Variants in STRN3 observed in about 807,000 individuals in gnomAD.
STRN3 encodes the protein striatin-3.
In STRN3, 29 loss-of-function variants were observed where a neutral mutation model predicts 95.6. The observed-to-expected ratio is 0.30, with a 90% CI of 0.23 to 0.41. The LOEUF is 0.41. STRN3 is among the 10% of genes least tolerant of loss of function. The pLI is 1.00. For synonymous variants in STRN3, 331 were observed against 357.6 expected (o/e 0.93, Z 0.84); for missense variants, 890 against 972.1 (o/e 0.92, Z 1.12).
At chr14:30,938,042 C>T (rs890802691) in intron 5 of STRN3, among the ~76,000 whole-genome samples, 9 of 151,726 alleles carry the variant, frequency 5.9e-5, no homozygotes, top group Non-Finnish European at 8.8e-5. Flanking sequence ...GTAAATACTA[C>T]GTAAATAGGT....
chr14:30,978,790 T>C (rs1881240484), intron 1 of STRN3, among the ~76,000 whole-genome samples: 1 of 152,134 alleles, frequency 6.6e-6, no homozygotes, highest in South Asian at 2.1e-4. Flanking sequence ...CCCAGAACTT[T>C]GAGAGGCCAG....
In STRN3 at chr14:30,936,534, G is replaced by T; in HGVS notation, c.807C>A (p.Ile269=). Residue 269 remains isoleucine, a synonymous_variant, in exon 6 of 18, where the codon ATC becomes ATA. Transcript: ENST00000357479. ...EDEENDMIEG[I]PEGKDKHRMN... ...TCCGATGTTTGTCTTTTCCTTCTGG[G>T]ATGCCTTCGATCATGTCATTTTCCT... is the stretch of plus-strand genomic sequence containing the variant. 1 of 1,613,386 alleles carries T rather than the reference G, an allele frequency of 6.2e-7. No homozygotes were observed. The highest frequency in any genetic ancestry group is 8.5e-7 in the Non-Finnish European group (1 of 1,179,754).
At chr14:30,949,067 T>C (rs1049259120) in intron 4 of STRN3, among the ~76,000 whole-genome samples, 8 of 152,084 alleles carry the variant, frequency 5.3e-5, no homozygotes, top group African/African-American at 9.7e-5. Flanking sequence ...AAACCTAAGA[T>C]AGAGAGGAGC....
At chr14:30,934,219 G>T (rs1878704009) in intron 7 of STRN3, among the ~76,000 whole-genome samples, 1 of 152,158 alleles carries the variant, frequency 6.6e-6, no homozygotes, top group South Asian at 2.1e-4. Flanking sequence ...AGCTACTTGG[G>T]TGGCCAAGGT....
At chr14:30,953,519 G>A (rs1475891669) in intron 3 of STRN3, among the ~76,000 whole-genome samples, 1 of 152,148 alleles carries the variant, frequency 6.6e-6, no homozygotes, top group Non-Finnish European at 1.5e-5. Context: ...GACTGTTCTA[G>A]TTGTTTCCAG....
chr14:30,982,281 A>C (rs1881449140), intron 1 of STRN3, among the ~76,000 whole-genome samples: 1 of 152,100 alleles, frequency 6.6e-6, no homozygotes, highest in Non-Finnish European at 1.5e-5. Flanking sequence ...ACATGGCAAC[A>C]GGTGGTTTAA....
intron 16 of STRN3, 152 bp downstream of exon 16, chr14:30,902,384 C>T (rs1896347063): frequency 5.7e-6 from 3 of 528,318 alleles, no homozygotes; most frequent in South Asian, 2.7e-5. Flanking sequence ...AAATCATAAG[C>T]GTGCAACATT....
intron 6 of STRN3, among the ~76,000 whole-genome samples, chr14:30,935,629 G>C (rs1193944404): frequency 6.6e-6 from 1 of 152,142 alleles, no homozygotes; most frequent in East Asian, 1.9e-4. Flanking sequence ...ATGTTATCTT[G>C]AATTGACCTC....
chr14:30,895,202 C>CT lies in STRN3; in HGVS notation c.*208dup, dbSNP rs1896109676. The CT allele has an allele frequency of 8.9e-6, 5 of 563,048 alleles. No homozygotes were observed. Among genetic ancestry groups the CT allele is most frequent in the Admixed American group, 3.4e-5 (1 of 29,592 alleles). 34.9% of individuals were successfully genotyped at this position (563,048 alleles called of 1,614,324 possible). ...AGTACAGGCCACAAATACTGGAGTC[C>CT]TTTTTTCTTTGTCCCACAAAATACA... On this transcript the variant is annotated 3_prime_UTR_variant, in exon 18 of 18. Transcript: ENST00000357479.
chr14:31,008,206 A>G (rs1171280408), intron 1 of STRN3, among the ~76,000 whole-genome samples: 1 of 112,202 alleles, frequency 8.9e-6, no homozygotes, highest in African/African-American at 3.1e-5. Flanking sequence ...AAAAAGAAAA[A>G]GAAAAGAAAA....
chr14:31,014,505 C>T (rs1236240266), intron 1 of STRN3: 3 of 343,858 alleles, frequency 8.7e-6, no homozygotes, highest in Admixed American at 9.5e-5. Flanking sequence ...CAGGCGTGAG[C>T]CACTGCGCCC....
intron 13 of STRN3, among the ~76,000 whole-genome samples, chr14:30,909,043 G>C (rs1436306255): frequency 2.0e-5 from 3 of 152,178 alleles, no homozygotes; most frequent in Non-Finnish European, 4.4e-5. Flanking sequence ...CACATGCTCA[G>C]TTACTCACAT....
At chr14:30,985,426 A>G (rs1053439491) in intron 1 of STRN3, among the ~76,000 whole-genome samples, 1 of 152,148 alleles carries the variant, frequency 6.6e-6, no homozygotes, top group African/African-American at 2.4e-5. Context: ...CAACATCATG[A>G]AACCCCGTCT....
At chr14:30,943,643 C>T (rs888989781) in intron 5 of STRN3, among the ~76,000 whole-genome samples, 2 of 152,052 alleles carry the variant, frequency 1.3e-5, no homozygotes, top group African/African-American at 4.8e-5. Flanking sequence ...ACATGTCCAT[C>T]AACAGGTAAA....
At chr14:31,011,015 G>A (rs1566491204) in intron 1 of STRN3, among the ~76,000 whole-genome samples, 1 of 152,132 alleles carries the variant, frequency 6.6e-6, no homozygotes. Context: ...CTCCAGCCTG[G>A]GTGACAGAGC....
At chr14:31,000,684 T>A (rs926082086) in intron 1 of STRN3, among the ~76,000 whole-genome samples, 20 of 152,274 alleles carry the variant, frequency 1.3e-4, no homozygotes, top group African/African-American at 4.6e-4. Flanking sequence ...ACCCATTCCT[T>A]ATCAATCTTC....
rs572926306 is a variant in STRN3, at chr14:30,925,961, A to G, written c.1099+3240T>C. Among the ~76,000 whole-genome samples, 16 of 152,260 alleles carry G rather than the reference A, an allele frequency of 1.1e-4. No individual in the cohort carries two copies. The East Asian group carries it at 3.1e-3, about 29-fold the overall frequency. ...ATGAATTACCTTTTCATGTAAAATT[A>G]TATCTTAGTATTAACATGATGAGCT... On this transcript the variant is annotated intron_variant, in intron 8 of 17. Transcript: ENST00000357479.
chr14:30,934,849 C>T (rs554206083), intron 7 of STRN3, among the ~76,000 whole-genome samples: 6 of 152,152 alleles, frequency 3.9e-5, no homozygotes, highest in African/African-American at 1.4e-4. Context: ...ATGTTTAAAA[C>T]TGAATACATA....
intron 16 of STRN3, among the ~76,000 whole-genome samples, chr14:30,899,678 AC>A (rs1273070677): frequency 2.6e-5 from 4 of 151,866 alleles, no homozygotes; most frequent in African/African-American, 7.3e-5. Flanking sequence ...CACTTCCTTC[AC>A]TTAAAAACCA....
Sources: gnomAD v4.1 joint callset for allele counts (sites outside exome capture counted in the v4.1 genomes callset) on GRCh38, gnomAD v4.1.1 for gene constraint, MANE v1.5 for transcripts, NCBI Gene and HGNC (gene_info 2026-07-23, HGNC 2026-07-21) for gene names.